The following CNTN3 variants were observed in gnomAD, a reference collection of about 807,000 sequenced individuals.
CNTN3 encodes the protein contactin-3.
Under a neutral mutation model 119.1 loss-of-function variants are expected in CNTN3, and 60 were observed. The observed-to-expected ratio is 0.50, with a 90% CI of 0.41 to 0.62. The LOEUF (loss-of-function observed/expected upper bound fraction) is 0.62, where lower values mean the gene tolerates loss of function less well. Among genes scored for constraint, CNTN3 ranks in the 20% least tolerant of loss-of-function variants. CNTN3 has a pLI of 0.00. For missense variants in CNTN3, 1,101 were observed against 1,242.4 expected, an observed-to-expected ratio of 0.89 and a Z score of 1.71; for synonymous variants, 450 against 438.7, an observed-to-expected ratio of 1.03 and a Z score of -0.32.
intron 5 of CNTN3, among the ~76,000 whole-genome samples, chr3:74,393,057 T>G (rs1172199425): frequency 1.3e-5 from 2 of 150,872 alleles, no homozygotes; most frequent in East Asian, 1.9e-4. Flanking sequence ...TACCTTTTAT[T>G]GTGGTTTCTA....
intron 1 of CNTN3, among the ~76,000 whole-genome samples, chr3:74,602,823 T>C (rs1013374360): frequency 6.6e-6 from 1 of 152,194 alleles, no homozygotes; most frequent in Non-Finnish European, 1.5e-5. Flanking sequence ...TGACCAGTCG[T>C]ACCAAAGTTT....
chr3:74,412,139 C>G (rs1701448178), intron 5 of CNTN3, among the ~76,000 whole-genome samples: 1 of 152,152 alleles, frequency 6.6e-6, no homozygotes, highest in African/African-American at 2.4e-5. Context: ...TAGCTGACAT[C>G]TGTCAACTGA....
At chr3:74,575,606 A>AACACACACACACAC (rs71129762) in intron 1 of CNTN3, among the ~76,000 whole-genome samples, 8,495 of 135,020 alleles carry the variant, frequency 0.063, 511 homozygotes, top group African/African-American at 0.13. Context: ...AGTCTCTCCC[A>AACACACACACACAC]ACACACACAC....
intron 1 of CNTN3, among the ~76,000 whole-genome samples, chr3:74,587,140 TA>T (rs1335405797): frequency 6.6e-6 from 1 of 151,822 alleles, no homozygotes; most frequent in Non-Finnish European, 1.5e-5. Context: ...AAAAAAGCAA[TA>T]AAAGCATAAG....
At chr3:74,418,785 A>T (rs1289885245) in intron 5 of CNTN3, among the ~76,000 whole-genome samples, 1 of 149,340 alleles carries the variant, frequency 6.7e-6, no homozygotes, top group Non-Finnish European at 1.5e-5. Context: ...TTTATTTTAA[A>T]TTTTTTTTAT....
intron 2 of CNTN3, among the ~76,000 whole-genome samples, chr3:74,509,313 C>CTTTTTT (rs11318453): frequency 3.4e-5 from 4 of 117,144 alleles, no homozygotes; most frequent in East Asian, 2.3e-4. Flanking sequence ...CCTTTCCTTT[C>CTTTTTT]TTTTTTTTTT....
chr3:74,527,532 T>C (rs1703637168), intron 1 of CNTN3, among the ~76,000 whole-genome samples: 2 of 151,938 alleles, frequency 1.3e-5, no homozygotes, highest in South Asian at 4.1e-4. Context: ...TCACTGATGC[T>C]ATGCCAGAAA....
At chr3:74,574,169 T>C (rs1464540489) in intron 1 of CNTN3, among the ~76,000 whole-genome samples, 1 of 152,152 alleles carries the variant, frequency 6.6e-6, no homozygotes, top group Non-Finnish European at 1.5e-5. Flanking sequence ...CTTGAAAACA[T>C]TATGCTCAGT....
At chr3:74,587,451 C>T (rs921456187) in intron 1 of CNTN3, among the ~76,000 whole-genome samples, 35 of 152,038 alleles carry the variant, frequency 2.3e-4, no homozygotes, top group African/African-American at 8.2e-4. Context: ...ACTGGAAGCA[C>T]ACATCAAAAT....
intron 1 of CNTN3, among the ~76,000 whole-genome samples, chr3:74,553,106 C>A (rs1214630281): frequency 1.4e-5 from 2 of 142,564 alleles, no homozygotes; most frequent in East Asian, 4.1e-4. Flanking sequence ...CCCCCACAGG[C>A]CCCCGTGTGT....
intron 16 of CNTN3, 87 bp from the exon 17 acceptor site, chr3:74,300,025 T>A: frequency 1.3e-6 from 1 of 784,334 alleles, no homozygotes; most frequent in Non-Finnish European, 1.9e-6. Flanking sequence ...TTTTAATATT[T>A]AAAATAATTT....
intron 1 of CNTN3, among the ~76,000 whole-genome samples, chr3:74,543,487 A>G (rs1047829427): frequency 6.6e-6 from 1 of 152,222 alleles, no homozygotes. Context: ...ATGGAGAAAG[A>G]TGAAAATACA....
At chr3:74,301,905 T>C in intron 14 of CNTN3, 100 bp from the exon 15 acceptor site, 1 of 1,320,822 alleles carries the variant, frequency 7.6e-7, no homozygotes, top group Non-Finnish European at 1.1e-6. Context: ...TCAATATCTC[T>C]GACTTTTCCC....
intron 1 of CNTN3, among the ~76,000 whole-genome samples, chr3:74,549,441 T>C (rs1216212307): frequency 6.6e-6 from 1 of 152,122 alleles, no homozygotes; most frequent in African/African-American, 2.4e-5. Flanking sequence ...AATGGACTGA[T>C]ACACAGACCA....
At chr3:74,478,274 G>T (rs985480777) in intron 4 of CNTN3, among the ~76,000 whole-genome samples, 6 of 152,066 alleles carry the variant, frequency 3.9e-5, no homozygotes, top group African/African-American at 1.4e-4. Context: ...AAGAGGAAAT[G>T]CAATATGACA....
chr3:74,597,868 C>A (rs920876857), intron 1 of CNTN3, among the ~76,000 whole-genome samples: 2 of 151,972 alleles, frequency 1.3e-5, no homozygotes, highest in Non-Finnish European at 2.9e-5. Flanking sequence ...GAAAAAATTT[C>A]TTCAAATTTT....
chr3:74,315,842 T>C (rs764602218), intron 13 of CNTN3, among the ~76,000 whole-genome samples: 1 of 152,030 alleles, frequency 6.6e-6, no homozygotes, highest in South Asian at 2.1e-4. Context: ...ATGTAAGACA[T>C]GAAACAATAA....
intron 3 of CNTN3, among the ~76,000 whole-genome samples, chr3:74,494,739 C>A (rs1165549394): frequency 5.3e-5 from 8 of 151,958 alleles, no homozygotes; most frequent in African/African-American, 1.9e-4. Context: ...TTGTTGATGC[C>A]ACTAATTAGG....
intron 5 of CNTN3, among the ~76,000 whole-genome samples, chr3:74,402,146 G>T (rs1334473474): frequency 6.6e-6 from 1 of 152,120 alleles, no homozygotes; most frequent in African/African-American, 2.4e-5. Context: ...TCAAAGTAAG[G>T]CATGAAACCC....
Sources: allele counts gnomAD v4.1 joint callset (sites outside exome capture counted in the v4.1 genomes callset), GRCh38; gene constraint gnomAD v4.1.1; transcripts MANE v1.5; gene names NCBI Gene and HGNC (gene_info 2026-07-23, HGNC 2026-07-21).